Variants in FGF13 observed in about 807,000 individuals in gnomAD.
FGF13 encodes the protein fibroblast growth factor 13.
In FGF13, 2 loss-of-function variants were observed where a neutral mutation model predicts 19.5. The ratio of observed to expected loss-of-function variants is 0.10; its 90% confidence interval spans 0.04 to 0.32. FGF13 has a LOEUF of 0.32. Ranked by LOEUF, FGF13 falls within the 10% of genes least tolerant of loss-of-function variation. FGF13 has a pLI of 1.00. For missense variants in FGF13, 113 were observed against 192.7 expected (o/e 0.59, Z 2.45); for synonymous variants, 72 against 76.9 (o/e 0.94, Z 0.33).
At chrX:139,041,924 A>T (rs186465301) in intron 1 of FGF13, among the ~76,000 whole-genome samples, 18 of 112,199 alleles carry the variant, frequency 1.6e-4, no homozygotes, top group South Asian at 3.7e-4. Context: ...CTAGAAAGAA[A>T]ATGATGTGCA....
chrX:139,081,084 A>G (rs768123007), intron 1 of FGF13, among the ~76,000 whole-genome samples: 1 of 111,083 alleles, frequency 9.0e-6, no homozygotes, highest in Non-Finnish European at 1.9e-5. Flanking sequence ...ATCCATGCTT[A>G]CTGCTCCAAT....
chrX:139,068,374 T>C (rs1168655961), intron 1 of FGF13, among the ~76,000 whole-genome samples: 1 of 101,877 alleles, frequency 9.8e-6, no homozygotes, highest in Non-Finnish European at 2.0e-5. Context: ...TACCATGCTG[T>C]TTTGGTTACT....
At chrX:139,094,913 G>A (rs1242632519) in intron 1 of FGF13, among the ~76,000 whole-genome samples, 1 of 112,128 alleles carries the variant, frequency 8.9e-6, no homozygotes, top group African/African-American at 3.2e-5. Flanking sequence ...CCTAAATGGC[G>A]CTGCCAATTA....
At chrX:138,953,754 C>T (rs774585586) in intron 1 of FGF13, among the ~76,000 whole-genome samples, 1 of 110,712 alleles carries the variant, frequency 9.0e-6, no homozygotes, top group East Asian at 2.9e-4. Flanking sequence ...AAAGAAACCA[C>T]TGATACACAT....
intron 1 of FGF13, among the ~76,000 whole-genome samples, chrX:139,065,708 C>T (rs1247035503): frequency 9.1e-6 from 1 of 110,309 alleles, no homozygotes; most frequent in Non-Finnish European, 1.9e-5. Context: ...GACTGAGACT[C>T]CCACACATTA....
At chrX:138,816,226 C>G (rs747704385) in intron 3 of FGF13, among the ~76,000 whole-genome samples, 23 of 111,222 alleles carry the variant, frequency 2.1e-4, no homozygotes, top group Admixed American at 1.5e-3. Flanking sequence ...ATGGCTTTTA[C>G]GTTTATGAAA....
At chrX:139,046,740 GA>G (rs1255901118) in intron 1 of FGF13, among the ~76,000 whole-genome samples, 2 of 111,634 alleles carry the variant, frequency 1.8e-5, no homozygotes, top group Non-Finnish European at 3.8e-5. Context: ...GGAAAGGAAT[GA>G]ATGGAATAAT....
At chrX:138,812,265 G>A (rs1307393042) in intron 3 of FGF13, among the ~76,000 whole-genome samples, 1 of 111,943 alleles carries the variant, frequency 8.9e-6, no homozygotes, top group Non-Finnish European at 1.9e-5. Flanking sequence ...CATAATAGTA[G>A]TACAGACAGC....
At chrX:138,741,694 G>T (rs2090319352), upstream of FGF13, among the ~76,000 whole-genome samples, 1 of 111,552 alleles carries the variant, frequency 9.0e-6, no homozygotes, top group African/African-American at 3.3e-5. Flanking sequence ...TTTCACAAAG[G>T]TATTCTCATT....
At chrX:139,059,596 C>T (rs886369509) in intron 1 of FGF13, among the ~76,000 whole-genome samples, 1 of 111,434 alleles carries the variant, frequency 9.0e-6, no homozygotes, top group African/African-American at 3.3e-5. Flanking sequence ...TACACAAAAG[C>T]CCTGAGAGAC....
intron 1 of FGF13, among the ~76,000 whole-genome samples, chrX:139,171,670 T>C (rs768480012): frequency 1.9e-4 from 21 of 112,623 alleles, no homozygotes; most frequent in African/African-American, 6.1e-4. Context: ...ATGCTTTTTC[T>C]AAAATATATA....
At chrX:139,174,834 C>T (rs2084166637) in intron 1 of FGF13, among the ~76,000 whole-genome samples, 5 of 112,124 alleles carry the variant, frequency 4.5e-5, no homozygotes, top group Admixed American at 2.8e-4. Flanking sequence ...TAGTGTGATG[C>T]CTCCAGCTTT....
intron 1 of FGF13, among the ~76,000 whole-genome samples, chrX:139,102,925 G>A (rs777805987): frequency 8.9e-6 from 1 of 112,641 alleles, no homozygotes; most frequent in Non-Finnish European, 1.9e-5. Flanking sequence ...AAGACAATGA[G>A]AAACATATTT....
At chrX:139,113,506 G>C (rs1241823395) in intron 1 of FGF13, among the ~76,000 whole-genome samples, 2 of 112,219 alleles carry the variant, frequency 1.8e-5, no homozygotes. Flanking sequence ...TGCAATGGTA[G>C]CAGGTAACAC....
At chrX:139,086,650 CAT>C (rs376662098) in intron 1 of FGF13, among the ~76,000 whole-genome samples, 66 of 112,283 alleles carry the variant, frequency 5.9e-4, no homozygotes, top group African/African-American at 1.6e-3. Flanking sequence ...ATCAAAATCA[CAT>C]GTGCCCCATT....
intron 1 of FGF13, among the ~76,000 whole-genome samples, chrX:138,926,465 G>A (rs772500733): frequency 2.1e-4 from 23 of 111,913 alleles, no homozygotes; most frequent in Non-Finnish European, 3.9e-4. Context: ...AGGAGAACAA[G>A]GAGTGCCAGA....
chrX:138,790,718 T>A (rs890920968), intron 3 of FGF13, among the ~76,000 whole-genome samples: 10 of 112,339 alleles, frequency 8.9e-5, no homozygotes, highest in Admixed American at 6.6e-4. Flanking sequence ...AGCTGAATTG[T>A]CCCCTCCTCT....
At chrX:138,908,132 G>A (rs1160887856) in intron 1 of FGF13, among the ~76,000 whole-genome samples, 1 of 53,052 alleles carries the variant, frequency 1.9e-5, no homozygotes, top group Admixed American at 1.9e-4. Context: ...CTGCAGTGGC[G>A]CTATCTCGGC....
chrX:139,022,961 T>C (rs969378126), intron 1 of FGF13, among the ~76,000 whole-genome samples: 5 of 111,445 alleles, frequency 4.5e-5, no homozygotes, highest in African/African-American at 1.3e-4. Context: ...CAAAAACCAT[T>C]TGAAATTATC....
Sources: gnomAD v4.1 joint callset for allele counts (sites outside exome capture counted in the v4.1 genomes callset) on GRCh38, gnomAD v4.1.1 for gene constraint, MANE v1.5 for transcripts, NCBI Gene and HGNC (gene_info 2026-07-23, HGNC 2026-07-21) for gene names.